Variants in FAT2 observed in about 807,000 individuals in gnomAD.
The protein encoded by FAT2 is FAT atypical cadherin 2.
A neutral mutation model predicts 295.3 loss-of-function variants in FAT2; 150 were observed. The observed-to-expected ratio is 0.51, with a 90% CI of 0.44 to 0.58. FAT2 has a LOEUF of 0.58. Ranked by LOEUF, FAT2 falls within the 20% of genes least tolerant of loss-of-function variation. The pLI, the probability that FAT2 is intolerant of heterozygous loss-of-function variation, is 0.00. For missense variants in FAT2, 4,868 were observed against 5,442.7 expected (o/e 0.89, Z 3.32); for synonymous variants, 2,026 against 2,150.3 (o/e 0.94, Z 1.60).
intron 2 of FAT2, among the ~76,000 whole-genome samples, 157 bp downstream of exon 2, chr5:151,565,512 AAATT>A (rs1427354612): frequency 6.6e-6 from 1 of 152,076 alleles, no homozygotes; most frequent in African/African-American, 2.4e-5. Flanking sequence ...CAGTAAAAAC[AAATT>A]AAAAATAAAA....
rs2127602307 is a variant in FAT2, at chr5:151,540,599, C to T, written c.9007G>A (p.Asp3003Asn). Residue 3003 changes from aspartate to asparagine, a missense_variant, in exon 11 of 24, where the codon GAC becomes AAC. Asp to Asn is a conservative substitution (Grantham distance 23, BLOSUM62 1). Around this residue, in one of 5 missense-constraint regions of FAT2, gnomAD observed 9 missense variants for 27.4 expected, o/e 0.33. Transcript: ENST00000261800. ...CACTGTGGGCTGTTATCATTGACGT[C>T]CAGGACAAAGATCTCCACAGTGACC... ...ASVTVEIFVL[D>N]VNDNSPQCSQ... 1 of 1,613,986 alleles carries T rather than the reference C, an allele frequency of 6.2e-7. No homozygotes were observed. The highest frequency in any genetic ancestry group is 8.5e-7 in the Non-Finnish European group (1 of 1,179,936).
At chr5:151,571,374 G>T (rs540303258) in intron 1 of FAT2, among the ~76,000 whole-genome samples, 1 of 152,296 alleles carries the variant, frequency 6.6e-6, no homozygotes, top group East Asian at 1.9e-4. Context: ...TGAGCCCAGG[G>T]TGCACGCAGC....
intron 3 of FAT2, among the ~76,000 whole-genome samples, chr5:151,561,182 G>A (rs1398054711): frequency 2.6e-5 from 4 of 152,196 alleles, no homozygotes; most frequent in Admixed American, 6.5e-5. Flanking sequence ...AAAGAAGAGC[G>A]GGAATTGACC....
intron 1 of FAT2, among the ~76,000 whole-genome samples, chr5:151,582,028 G>T (rs1169155493): frequency 3.3e-5 from 5 of 152,358 alleles, no homozygotes; most frequent in South Asian, 2.1e-4. Context: ...AGGCAGGCAG[G>T]TTGCTGCAGG....
intron 20 of FAT2, among the ~76,000 whole-genome samples, chr5:151,515,714 C>T (rs548543602): frequency 1.6e-4 from 25 of 152,314 alleles, no homozygotes; most frequent in African/African-American, 6.0e-4. Flanking sequence ...CTTTCCAATT[C>T]CTCTGTCATC....
chr5:151,534,351 C>T, intron 13 of FAT2, 58 bp downstream of exon 13: 4 of 1,422,114 alleles, frequency 2.8e-6, no homozygotes, highest in Non-Finnish European at 2.9e-6. Context: ...GGACCAAACC[C>T]TTGCCCAAGG....
intron 1 of FAT2, among the ~76,000 whole-genome samples, chr5:151,583,979 C>T (rs544641289): frequency 3.1e-4 from 33 of 106,416 alleles, no homozygotes; most frequent in African/African-American, 9.1e-4. Context: ...GCCTGGGTGA[C>T]GGAGTGAGGC....
intron 1 of FAT2, among the ~76,000 whole-genome samples, chr5:151,572,770 G>A (rs111790932): frequency 6.6e-5 from 10 of 152,324 alleles, no homozygotes; most frequent in African/African-American, 1.2e-4. Context: ...GGTGGGGTCC[G>A]CTGAAGCCTC....
chr5:151,533,008 A>G (rs1257577573), intron 13 of FAT2, among the ~76,000 whole-genome samples: 1 of 152,208 alleles, frequency 6.6e-6, no homozygotes, highest in Admixed American at 6.5e-5. Context: ...TGGTCAAACC[A>G]CACCTGGATT....
intron 23 of FAT2, among the ~76,000 whole-genome samples, chr5:151,506,506 T>C (rs1760887758): frequency 6.6e-6 from 1 of 151,856 alleles, no homozygotes. Context: ...TCATGGAGAG[T>C]GATGAAATGA....
chr5:151,572,485 A>G (rs1758570981), intron 1 of FAT2, among the ~76,000 whole-genome samples: 1 of 152,210 alleles, frequency 6.6e-6, no homozygotes, highest in Admixed American at 6.5e-5. Flanking sequence ...GTGGTCACTT[A>G]TGAATCTGAC....
Position 151,545,604 on chromosome 5 carries a change from A to G in FAT2, c.5523T>C (p.Tyr1841=). 2.5e-6 allele frequency: 4 copies of G among 1,614,140 alleles called. No individual in the cohort carries two copies. Among genetic ancestry groups the G allele is most frequent in the Non-Finnish European group, 3.4e-6 (4 of 1,179,968 alleles). Reference sequence around the variant, plus strand: ...ATACAGGGCTTCCTTGGTCATGGACATAGACACAGAATTGGAAAGAGGGCA... The same window carrying G: ...ATACAGGGCTTCCTTGGTCATGGACGTAGACACAGAATTGGAAAGAGGGCA... The part of the protein sequence containing the change: ...ESMPSFQFCV[Y]VHDQGSPVLF... The change falls in exon 10 of 24, where the codon TAT becomes TAC. Residue 1841 remains tyrosine (Y), a synonymous_variant. Coordinates refer to ENST00000261800, the MANE Select transcript of FAT2 (RefSeq NM_001447.3).
At chr5:151,579,161 CAAGT>C (rs1758851112) in intron 1 of FAT2, among the ~76,000 whole-genome samples, 1 of 152,140 alleles carries the variant, frequency 6.6e-6, no homozygotes, top group Non-Finnish European at 1.5e-5. Flanking sequence ...GGTTGGAAGG[CAAGT>C]AAGTTCAAGA....
At chr5:151,509,701 T>C (rs577128138) in intron 22 of FAT2, 28 of 242,756 alleles carry the variant, frequency 1.2e-4, no homozygotes, top group Admixed American at 7.6e-4. Context: ...TTCTACGTTA[T>C]GGTGAGTTGT....
At chr5:151,583,865 A>G (rs974173237) in intron 1 of FAT2, among the ~76,000 whole-genome samples, 1 of 151,804 alleles carries the variant, frequency 6.6e-6, no homozygotes, top group Non-Finnish European at 1.5e-5. Context: ...GGGTGCGATG[A>G]CACACACATG....
At chr5:151,561,067 C>A (rs940112473) in intron 3 of FAT2, among the ~76,000 whole-genome samples, 1 of 152,156 alleles carries the variant, frequency 6.6e-6, no homozygotes, top group South Asian at 2.1e-4. Context: ...GTGAATATAA[C>A]GTCCTGTATG....
Position 151,566,512 on chromosome 5 carries a change from G to A in FAT2, c.2420C>T (p.Thr807Ile), listed in dbSNP as rs147404099. ...TPQKSSWKLL[T>I]VNVKDWNDNA... ...GTCATTCCAGTCTTTCACATTCACTGTCAGCAGCTTCCAGGAGGACTTCTG... is the reference window on the plus strand; with the variant it reads ...GTCATTCCAGTCTTTCACATTCACTATCAGCAGCTTCCAGGAGGACTTCTG... Residue 807 changes from threonine (T) to isoleucine (I), a missense_variant, in exon 2 of 24, where the codon ACA becomes ATA. Thr to Ile is a moderately conservative substitution (Grantham distance 89). Around this residue, in one of 5 missense-constraint regions of FAT2, gnomAD observed 3,297 missense variants for 3,669.4 expected, o/e 0.90. Coordinates refer to ENST00000261800, the MANE Select transcript of FAT2 (RefSeq NM_001447.3). 1.8e-5 allele frequency: 29 copies of A among 1,613,920 alleles called. No individual in the cohort carries two copies. In the African/African-American group the frequency reaches 3.2e-4, roughly 18 times the overall value.
chr5:151,542,207 GA>G, intron 10 of FAT2, 77 bp downstream of exon 10: 3 of 1,415,574 alleles, frequency 2.1e-6, no homozygotes, highest in Non-Finnish European at 2.9e-6. Context: ...TCCAGGACAT[GA>G]ACCCATTTTA....
chr5:151,507,581 T>C lies in FAT2; in HGVS notation c.12090A>G (p.Glu4030=). 6.2e-7 allele frequency: 1 copy of C among 1,612,198 alleles called. No individual in the cohort carries two copies. The highest frequency in any genetic ancestry group is 1.3e-5 in the African/African-American group (1 of 74,486). ...TCTCGGGAGTGACTAGGCAGTGTCC[T>C]TCTGAACAACCCCTCGCCTCCATTT... is the stretch of plus-strand genomic sequence containing the variant. ...RCEMEARGCS[E]GHCLVTPEIQ... Residue 4030 remains glutamate, a synonymous_variant, in exon 23 of 24, where the codon GAA becomes GAG. Transcript: ENST00000261800.
Sources: gnomAD v4.1 joint callset for allele counts (sites outside exome capture counted in the v4.1 genomes callset) on GRCh38, gnomAD v4.1.1 for gene constraint, gnomAD v4.1.1 regional missense constraint, MANE v1.5 for transcripts, NCBI Gene and HGNC (gene_info 2026-07-23, HGNC 2026-07-21) for gene names.